The following COP1 variants were observed in gnomAD, a reference collection of about 807,000 sequenced individuals.
The protein encoded by COP1 is E3 ubiquitin-protein ligase COP1.
In COP1, 24 loss-of-function variants were observed where a neutral mutation model predicts 101.3. The ratio of observed to expected loss-of-function variants is 0.24; its 90% confidence interval spans 0.17 to 0.33. The LOEUF is 0.33. Ranked by LOEUF, COP1 falls within the 10% of genes least tolerant of loss-of-function variation. The probability of loss-of-function intolerance (pLI) is 1.00; values close to 1 mark genes in which losing one functional copy is unlikely to be tolerated. For synonymous variants in COP1, 347 were observed against 341.9 expected (o/e 1.01, Z -0.17); for missense variants, 663 against 906.2 (o/e 0.73, Z 3.45).
chr1:176,019,792 C>CAG (rs150301956), intron 15 of COP1, among the ~76,000 whole-genome samples: 6,347 of 151,830 alleles, frequency 0.042, 155 homozygotes, highest in Non-Finnish European at 0.048. Context: ...GCCTGGAAGG[C>CAG]AGAGGCTGCA....
At chr1:176,196,611 T>G (rs1045011002) in intron 1 of COP1, among the ~76,000 whole-genome samples, 1 of 150,838 alleles carries the variant, frequency 6.6e-6, no homozygotes, top group African/African-American at 2.4e-5. Flanking sequence ...AGGGAAGGAG[T>G]GAAATCATAC....
intron 9 of COP1, among the ~76,000 whole-genome samples, chr1:176,086,550 G>C (rs1399404956): frequency 6.6e-6 from 1 of 152,008 alleles, no homozygotes; most frequent in Non-Finnish European, 1.5e-5. Context: ...TTAATATCCA[G>C]AAATTGTTAG....
chr1:176,117,039 A>G (rs1284998004), intron 8 of COP1, among the ~76,000 whole-genome samples: 1 of 152,202 alleles, frequency 6.6e-6, no homozygotes, highest in Non-Finnish European at 1.5e-5. Flanking sequence ...AAAAGAGCAC[A>G]AGCATGCAAT....
chr1:176,186,253 T>C (rs896168030), intron 1 of COP1, among the ~76,000 whole-genome samples: 2 of 151,876 alleles, frequency 1.3e-5, no homozygotes, highest in Non-Finnish European at 2.9e-5. Flanking sequence ...CCTTCAAGTA[T>C]GTCACTGCTA....
intron 18 of COP1, among the ~76,000 whole-genome samples, chr1:175,962,391 C>T (rs1651484239): frequency 6.6e-6 from 1 of 152,156 alleles, no homozygotes; most frequent in Non-Finnish European, 1.5e-5. Flanking sequence ...TAGCCCTTAT[C>T]TACCATTAGT....
At chr1:176,197,387 G>C (rs1283648035) in intron 1 of COP1, among the ~76,000 whole-genome samples, 1 of 152,140 alleles carries the variant, frequency 6.6e-6, no homozygotes, top group Non-Finnish European at 1.5e-5. Flanking sequence ...CTGTACTCCA[G>C]CTTGGGCGAG....
At position 176,085,777 on chromosome 1, in the gene COP1, T is replaced by C; in HGVS notation, c.1140A>G (p.Ser380=). 1.9e-6 allele frequency: 3 copies of C among 1,547,710 alleles called. No homozygotes were observed. Among genetic ancestry groups the C allele is most frequent in the Non-Finnish European group, 1.8e-6 (2 of 1,123,850 alleles). Residue 380 remains serine (S), a splice_region_variant and synonymous_variant, in exon 10 of 20, where the codon TCA becomes TCG. Coordinates refer to ENST00000367669, the MANE Select transcript of COP1 (RefSeq NM_022457.7). Reference sequence around the variant, plus strand: ...ATTTGAGAAGGTCTAAATATATACCTGAGATACGAGACATCCTTGTAGAAA... The same window carrying C: ...ATTTGAGAAGGTCTAAATATATACCCGAGATACGAGACATCCTTGTAGAAA... ...CYFSTRMSRI[S]DDSRTASQLD...
intron 15 of COP1, among the ~76,000 whole-genome samples, chr1:176,002,674 A>T (rs1336972705): frequency 1.2e-3 from 180 of 149,462 alleles, no homozygotes; most frequent in African/African-American, 4.1e-3. Context: ...TGTCCCTACA[A>T]AGGACATGAA....
intron 15 of COP1, among the ~76,000 whole-genome samples, chr1:176,000,388 T>C (rs1290402357): frequency 2.6e-5 from 4 of 152,094 alleles, no homozygotes; most frequent in African/African-American, 4.8e-5. Flanking sequence ...TTGGCAAGTT[T>C]GTCAAAAATG....
At chr1:176,003,852 A>G (rs1304123284) in intron 15 of COP1, among the ~76,000 whole-genome samples, 7 of 152,090 alleles carry the variant, frequency 4.6e-5, no homozygotes, top group African/African-American at 1.7e-4. Flanking sequence ...TTGGTTCCAT[A>G]TGAACTTGAA....
chr1:175,957,035 T>A (rs1650740729), intron 18 of COP1, among the ~76,000 whole-genome samples: 1 of 152,114 alleles, frequency 6.6e-6, no homozygotes, highest in African/African-American at 2.4e-5. Context: ...TACAATGTGT[T>A]TGTGTTTTAA....
intron 6 of COP1, among the ~76,000 whole-genome samples, chr1:176,147,338 G>T (rs1192793379): frequency 6.6e-6 from 1 of 152,068 alleles, no homozygotes; most frequent in Admixed American, 6.6e-5. Flanking sequence ...TCCAATTATT[G>T]TGAAATTCAA....
rs750814603 is a variant in COP1, at chr1:176,176,018, G to A, written c.468-11C>T. 3 of 1,342,154 alleles carry A rather than the reference G, an allele frequency of 2.2e-6. No individual in the cohort carries two copies. Among genetic ancestry groups the A allele is most frequent in the South Asian group, 2.6e-5 (2 of 77,080 alleles). 83.1% of individuals were successfully genotyped at this position (1,342,154 alleles called of 1,614,324 possible). A position where few individuals can be genotyped will look rare whatever the true frequency, so the allele number is the denominator to read the frequency against. On this transcript the variant is annotated splice_polypyrimidine_tract_variant and intron_variant, in intron 2 of 19. Coordinates refer to ENST00000367669, the MANE Select transcript of COP1 (RefSeq NM_022457.7). Reference sequence around the variant, plus strand: ...TGAATACACTTGTAGCTATTAGTAGGGGGGGAAAAAAAAGGCTTAATTAAA... The same window carrying A: ...TGAATACACTTGTAGCTATTAGTAGAGGGGGAAAAAAAAGGCTTAATTAAA...
chr1:176,140,093 A>G (rs1303879166), intron 6 of COP1, among the ~76,000 whole-genome samples: 1 of 152,198 alleles, frequency 6.6e-6, no homozygotes, highest in African/African-American at 2.4e-5. Flanking sequence ...AAAAATTTCC[A>G]ATGTCACCTG....
chr1:176,177,932 A>G (rs1416644430), intron 2 of COP1, among the ~76,000 whole-genome samples: 1 of 152,224 alleles, frequency 6.6e-6, no homozygotes, highest in East Asian at 1.9e-4. Flanking sequence ...GGCAAATCAC[A>G]GGGACCTAAA....
intron 11 of COP1, among the ~76,000 whole-genome samples, chr1:176,074,857 C>G (rs910388510): frequency 6.6e-6 from 1 of 151,082 alleles, no homozygotes; most frequent in Admixed American, 6.6e-5. Context: ...GCATACATAT[C>G]AGGTCAATAT....
chr1:176,022,705 ACTGATGCCTTG>A (rs1666957429), intron 15 of COP1, among the ~76,000 whole-genome samples: 1 of 152,008 alleles, frequency 6.6e-6, no homozygotes, highest in Non-Finnish European at 1.5e-5. Flanking sequence ...TATTGGCCTC[ACTGATGCCTTG>A]CTGATACTAT....
At chr1:176,037,661 G>A (rs1182009557) in intron 14 of COP1, among the ~76,000 whole-genome samples, 1 of 152,012 alleles carries the variant, frequency 6.6e-6, no homozygotes, top group Non-Finnish European at 1.5e-5. Context: ...GAAAGTCAAT[G>A]ACTATAATTC....
At chr1:176,095,087 C>G (rs1476566100) in intron 9 of COP1, among the ~76,000 whole-genome samples, 1 of 152,126 alleles carries the variant, frequency 6.6e-6, no homozygotes, top group East Asian at 1.9e-4. Context: ...TCTACAAATA[C>G]TTTTTTCTCA....
Sources: gnomAD v4.1 joint callset for allele counts (sites outside exome capture counted in the v4.1 genomes callset) on GRCh38, gnomAD v4.1.1 for gene constraint, MANE v1.5 for transcripts, NCBI Gene and HGNC (gene_info 2026-07-23, HGNC 2026-07-21) for gene names.